Variants in THAP6 observed in about 807,000 individuals in gnomAD.
THAP6 encodes the protein THAP domain-containing protein 6.
A neutral mutation model predicts 20.0 loss-of-function variants in THAP6; 13 were observed. That is an observed-to-expected ratio of 0.65 (90% CI 0.42 to 1.03). The LOEUF is 1.03. THAP6 is among the 50% of genes least tolerant of loss of function. The pLI is 0.00. For synonymous variants in THAP6, 93 were observed against 92.2 expected, an observed-to-expected ratio of 1.01 and a Z score of -0.05; for missense variants, 262 against 261.6, an observed-to-expected ratio of 1.00 and a Z score of -0.01.
chr4:75,518,330 C>A (rs971424669), intron 3 of THAP6, among the ~76,000 whole-genome samples: 1 of 152,132 alleles, frequency 6.6e-6, no homozygotes, highest in Non-Finnish European at 1.5e-5. Context: ...ATAGATAATA[C>A]TGTGAACACT....
At chr4:75,545,963 A>G (rs1422700357) in intron 3 of THAP6, among the ~76,000 whole-genome samples, 4 of 152,316 alleles carry the variant, frequency 2.6e-5, no homozygotes, top group Admixed American at 2.0e-4. Flanking sequence ...CTGCGTGTGG[A>G]CAGCTAGAAA....
At chr4:75,518,535 C>T (rs1050178137) in intron 3 of THAP6, among the ~76,000 whole-genome samples, 1 of 152,142 alleles carries the variant, frequency 6.6e-6, no homozygotes, top group South Asian at 2.1e-4. Flanking sequence ...AGAACCATGT[C>T]AGGTAAATAC....
chr4:75,530,817 C>T (rs1726657432), downstream of THAP6, among the ~76,000 whole-genome samples: 1 of 152,190 alleles, frequency 6.6e-6, no homozygotes, highest in African/African-American at 2.4e-5. Context: ...CAGCTGTAAT[C>T]AGGGCTACTC....
At chr4:75,538,397 AAC>A (rs1216390592) in intron 2 of THAP6, among the ~76,000 whole-genome samples, 2 of 152,112 alleles carry the variant, frequency 1.3e-5, no homozygotes, top group African/African-American at 2.4e-5. Flanking sequence ...AAAAAAAAAA[AAC>A]AGGAACATAA....
intron 2 of THAP6, among the ~76,000 whole-genome samples, chr4:75,541,063 A>G (rs1726989127): frequency 6.6e-6 from 1 of 152,214 alleles, no homozygotes. Flanking sequence ...AGGACACCAT[A>G]AAGACTGGTA....
chr4:75,529,530 T>C lies in THAP6; in HGVS notation c.*2316T>C. 10 of 985,374 alleles carry C rather than the reference T, an allele frequency of 1.0e-5. No individual in the cohort carries two copies. The highest frequency in any genetic ancestry group is 1.2e-5 in the Non-Finnish European group (10 of 829,932). 61.0% of individuals were successfully genotyped at this position (985,374 alleles called of 1,614,324 possible). ...ATAGGGAAGCAATTACTGATAGAAA[T>C]GTGAGATTAAAAATAGGGTCCTCCC... is the stretch of plus-strand genomic sequence containing the variant. On this transcript the variant is annotated 3_prime_UTR_variant, in exon 5 of 5. Coordinates refer to ENST00000311638, the MANE Select transcript of THAP6 (RefSeq NM_144721.6).
rs191306828 is a variant in THAP6, at chr4:75,528,853, A to G, written c.*1639A>G. On this transcript the variant is annotated 3_prime_UTR_variant, in exon 5 of 5. Coordinates refer to ENST00000311638, the MANE Select transcript of THAP6 (RefSeq NM_144721.6). ...CACTTGAGGTCAGGGGTTCAAAACC[A>G]GCCTGGCCAAGATGGTGAAACCCCA... The G allele has an allele frequency of 1.0e-3, 840 of 822,300 alleles. 3 individuals carry two copies. In the African/African-American group the frequency reaches 0.015, roughly 14 times the overall value. 50.9% of individuals were successfully genotyped at this position (822,300 alleles called of 1,614,324 possible). A position where few individuals can be genotyped will look rare whatever the true frequency, so the allele number is the denominator to read the frequency against.
intron 3 of THAP6, chr4:75,517,732 G>A (rs1725753700): frequency 6.6e-6 from 1 of 152,200 alleles, no homozygotes; most frequent in Non-Finnish European, 1.5e-5. Context: ...AGAGATCTAA[G>A]AACAGGAGAA....
rs181753896 is a variant in THAP6, at chr4:75,527,974, C to T, written c.*760C>T. On this transcript the variant is annotated 3_prime_UTR_variant, in exon 5 of 5. Coordinates refer to ENST00000311638, the MANE Select transcript of THAP6 (RefSeq NM_144721.6). ...TGAACACTTTGCTTCATGACTATTTCGTCATAAAGGTATATGTTTAAAATC... is the reference window on the plus strand; with the variant it reads ...TGAACACTTTGCTTCATGACTATTTTGTCATAAAGGTATATGTTTAAAATC... 1.0e-5 allele frequency: 10 copies of T among 985,194 alleles called. No homozygotes were observed. The highest frequency in any genetic ancestry group is 1.1e-4 in the East Asian group (1 of 8,820). 61.0% of individuals were successfully genotyped at this position (985,194 alleles called of 1,614,324 possible). A position where few individuals can be genotyped will look rare whatever the true frequency, so the allele number is the denominator to read the frequency against.
At chr4:75,541,745 C>T (rs1355246382) in intron 2 of THAP6, among the ~76,000 whole-genome samples, 1 of 152,164 alleles carries the variant, frequency 6.6e-6, no homozygotes, top group Non-Finnish European at 1.5e-5. Context: ...CACTTGAGGT[C>T]AGGAGTTCAA....
At chr4:75,533,866 C>T (rs1162747844), downstream of THAP6, among the ~76,000 whole-genome samples, 1 of 152,020 alleles carries the variant, frequency 6.6e-6, no homozygotes, top group East Asian at 1.9e-4. Context: ...CATCCATTAA[C>T]TCGTCATTTA....
At chr4:75,533,000 C>A (rs934246128), downstream of THAP6, among the ~76,000 whole-genome samples, 7 of 152,176 alleles carry the variant, frequency 4.6e-5, no homozygotes, top group African/African-American at 1.7e-4. Flanking sequence ...ACATTCAGCT[C>A]CTCATTACTT....
intron 4 of THAP6, among the ~76,000 whole-genome samples, chr4:75,522,935 C>T (rs1292661680): frequency 1.3e-5 from 2 of 152,066 alleles, no homozygotes; most frequent in East Asian, 3.9e-4. Context: ...GTACTGGTTT[C>T]CTTTCTTTGG....
chr4:75,514,590 C>T, intron 1 of THAP6, 70 bp downstream of exon 1: 1 of 282,332 alleles, frequency 3.5e-6, no homozygotes. Flanking sequence ...TAGTTCGGCG[C>T]GAGGTTGGCG....
At position 75,529,097 on chromosome 4, in the gene THAP6, GTTAC is replaced by G. The variant is rs1726562707; in HGVS notation, c.*1887_*1890del. 7 of 969,118 alleles carry G rather than the reference GTTAC, an allele frequency of 7.2e-6. No homozygotes were observed. The South Asian group carries it at 2.9e-4, about 40-fold the overall frequency. 60.0% of individuals were successfully genotyped at this position (969,118 alleles called of 1,614,324 possible). On this transcript the variant is annotated 3_prime_UTR_variant, in exon 5 of 5. Coordinates refer to ENST00000311638, the MANE Select transcript of THAP6 (RefSeq NM_144721.6). The stretch of plus-strand genomic sequence containing the variant: ...CATTAATTACCCATTATTTATTTTA[GTTAC>G]TTAATTTTGAGTTCATAAATGGCCA...
Position 75,528,757 on chromosome 4 carries a change from A to AG in THAP6, c.*1543_*1544insG. On this transcript the variant is annotated 3_prime_UTR_variant, in exon 5 of 5. Transcript: ENST00000311638. ...AAAAAAAAGTAGTAAAAAGGTAGTT[A>AG]AAAAAAAAAAAGGCCGGGTGGTGGC... is the stretch of plus-strand genomic sequence containing the variant. The AG allele has an allele frequency of 3.4e-5, 14 of 414,288 alleles. No homozygotes were observed. Among genetic ancestry groups the AG allele is most frequent in the Non-Finnish European group, 3.8e-5 (14 of 370,478 alleles). The allele number at this position is 414,288 out of a possible 1,614,324, so 25.7% of individuals were successfully genotyped here.
intron 2 of THAP6, among the ~76,000 whole-genome samples, chr4:75,535,536 C>T (rs963396100): frequency 6.6e-6 from 1 of 152,200 alleles, no homozygotes; most frequent in Admixed American, 6.5e-5. Flanking sequence ...CCCAGAGTTA[C>T]TCTGTAATCT....
chr4:75,534,583 GCTT>G (rs1726797486), downstream of THAP6, among the ~76,000 whole-genome samples: 1 of 152,124 alleles, frequency 6.6e-6, no homozygotes, highest in South Asian at 2.1e-4. Context: ...AAACTAAAGA[GCTT>G]CTGCACAGCA....
intron 2 of THAP6, among the ~76,000 whole-genome samples, chr4:75,537,069 G>A (rs1052439259): frequency 6.6e-6 from 1 of 152,062 alleles, no homozygotes; most frequent in Admixed American, 6.5e-5. Flanking sequence ...GCAAAAACTT[G>A]CAGAACTGCA....
Sources: gnomAD v4.1 joint callset for allele counts (sites outside exome capture counted in the v4.1 genomes callset) on GRCh38, gnomAD v4.1.1 for gene constraint, MANE v1.5 for transcripts, NCBI Gene and HGNC (gene_info 2026-07-23, HGNC 2026-07-21) for gene names.